KITLG: variants seen among roughly 807,000 people sequenced by gnomAD.
KITLG encodes the protein KIT ligand.
A neutral mutation model predicts 34.1 loss-of-function variants in KITLG; 13 were observed. That is an observed-to-expected ratio of 0.38 (90% CI 0.25 to 0.61). The LOEUF (loss-of-function observed/expected upper bound fraction) is 0.61. Ranked by LOEUF, KITLG falls within the 20% of genes least tolerant of loss-of-function variation. KITLG has a pLI of 0.60. For synonymous variants in KITLG, 110 were observed against 104.0 expected, an observed-to-expected ratio of 1.06 and a Z score of -0.35; for missense variants, 292 against 318.9, an observed-to-expected ratio of 0.92 and a Z score of 0.64.
Position 88,505,249 on chromosome 12 carries a change from AG to A in KITLG, c.783-15del. On this transcript the variant is annotated splice_polypyrimidine_tract_variant and intron_variant, in intron 8 of 9. Transcript: ENST00000644744. ...TCTTGCAACATACTGAAAAACAATA[AG>A]AAAAAATGCTTATTTGCTCTTGGTC... 6.2e-7 allele frequency: 1 copy of A among 1,602,864 alleles called. No individual in the cohort carries two copies. Among genetic ancestry groups the A allele is most frequent in the Non-Finnish European group, 8.5e-7 (1 of 1,169,992 alleles).
chr12:88,550,535 T>A (rs902652104), intron 1 of KITLG, among the ~76,000 whole-genome samples: 2 of 152,168 alleles, frequency 1.3e-5, no homozygotes, highest in African/African-American at 4.8e-5. Flanking sequence ...TTACTGAACA[T>A]TTACTATACA....
At chr12:88,566,917 C>T (rs750310788) in intron 1 of KITLG, among the ~76,000 whole-genome samples, 17 of 152,130 alleles carry the variant, frequency 1.1e-4, no homozygotes, top group Non-Finnish European at 2.1e-4. Flanking sequence ...CAATACAGTA[C>T]CACATACATG....
intron 1 of KITLG, among the ~76,000 whole-genome samples, chr12:88,560,576 T>C (rs1035561296): frequency 5.9e-5 from 9 of 152,102 alleles, no homozygotes; most frequent in African/African-American, 2.2e-4. Flanking sequence ...AGTATAAAAG[T>C]GAGGCAAAAA....
At chr12:88,527,582 T>A (rs1331459203) in intron 3 of KITLG, among the ~76,000 whole-genome samples, 4 of 152,216 alleles carry the variant, frequency 2.6e-5, no homozygotes, top group Non-Finnish European at 5.9e-5. Context: ...CAGGTAAGTA[T>A]CATCAATAGA....
intron 2 of KITLG, among the ~76,000 whole-genome samples, chr12:88,538,206 T>C (rs1870397266): frequency 6.6e-6 from 1 of 152,088 alleles, no homozygotes. Context: ...GGAAAGCTCA[T>C]AATGTGTTAG....
intron 1 of KITLG, among the ~76,000 whole-genome samples, chr12:88,569,732 GT>G (rs1871576921): frequency 6.6e-6 from 1 of 152,096 alleles, no homozygotes; most frequent in South Asian, 2.1e-4. Flanking sequence ...CTGTTCTGTT[GT>G]CTCCTTTACC....
rs1869452866 is a variant in KITLG at position 88,516,333 on chromosome 12, C to T, written c.520+1G>A. On this transcript the variant is annotated splice_donor_variant, in intron 5 of 9. Coordinates refer to ENST00000644744, the MANE Select transcript of KITLG (RefSeq NM_000899.5). LOFTEE classifies it high-confidence loss of function. ...GAACTGGAAATGCTTACATGTCTTA[C>T]CTTTCTCAGGACTTAATGTTGAAGA... 1 of 1,609,570 alleles carries T rather than the reference C, an allele frequency of 6.2e-7. No individual in the cohort carries two copies. Among genetic ancestry groups the T allele is most frequent in the Non-Finnish European group, 8.5e-7 (1 of 1,176,894 alleles).
chr12:88,514,666 G>A (rs529191086), intron 6 of KITLG, among the ~76,000 whole-genome samples: 1 of 151,570 alleles, frequency 6.6e-6, no homozygotes, highest in Non-Finnish European at 1.5e-5. Context: ...GTCAGGTTTT[G>A]GTGGCAAAAA....
intron 2 of KITLG, among the ~76,000 whole-genome samples, chr12:88,536,916 T>C (rs1055315565): frequency 1.3e-5 from 2 of 152,082 alleles, no homozygotes; most frequent in Non-Finnish European, 2.9e-5. Flanking sequence ...CAAACCACCA[T>C]GGCACGTGTA....
chr12:88,535,360 G>A (rs149692657), intron 2 of KITLG, among the ~76,000 whole-genome samples: 101 of 152,178 alleles, frequency 6.6e-4, no homozygotes, highest in African/African-American at 2.3e-3. Flanking sequence ...TTTTTGAAAC[G>A]TGCTTTATAA....
At chr12:88,505,059 T>A in intron 9 of KITLG, 100 bp downstream of exon 9, 1 of 634,686 alleles carries the variant, frequency 1.6e-6, no homozygotes, top group Non-Finnish European at 2.8e-6. Context: ...ACATGGCACA[T>A]GTAAACATAC....
chr12:88,507,671 T>C (rs1242686882), intron 6 of KITLG, among the ~76,000 whole-genome samples: 1 of 152,184 alleles, frequency 6.6e-6, no homozygotes, highest in Non-Finnish European at 1.5e-5. Flanking sequence ...TCCACGTTCA[T>C]ATCTTCAACA....
intron 1 of KITLG, among the ~76,000 whole-genome samples, chr12:88,570,219 C>T (rs1871599906): frequency 6.6e-6 from 1 of 152,226 alleles, no homozygotes; most frequent in South Asian, 2.1e-4. Context: ...ATTCCTGATT[C>T]CATAAAGTAA....
chr12:88,547,823 G>A (rs1022256767), intron 1 of KITLG, among the ~76,000 whole-genome samples: 19 of 152,140 alleles, frequency 1.2e-4, no homozygotes, highest in Admixed American at 3.3e-4. Context: ...CTAAAGAAAC[G>A]TTTGTTTTCT....
At chr12:88,502,890 A>G (rs1388436235) in intron 9 of KITLG, among the ~76,000 whole-genome samples, 2 of 107,900 alleles carry the variant, frequency 1.9e-5, no homozygotes, top group Non-Finnish European at 3.7e-5. Context: ...ATGGCTGTCA[A>G]GAAGAAGAAA....
intron 2 of KITLG, among the ~76,000 whole-genome samples, chr12:88,536,721 A>C (rs1870332622): frequency 6.6e-6 from 1 of 152,174 alleles, no homozygotes; most frequent in Admixed American, 6.5e-5. Context: ...ATTCTCAGTA[A>C]ACTAACACAA....
chr12:88,512,962 T>A (rs1013716300), intron 6 of KITLG, among the ~76,000 whole-genome samples: 1 of 151,750 alleles, frequency 6.6e-6, no homozygotes, highest in Non-Finnish European at 1.5e-5. Flanking sequence ...GAATGAAGGG[T>A]ACAGGAAATA....
intron 3 of KITLG, among the ~76,000 whole-genome samples, chr12:88,524,804 T>A (rs1869805059): frequency 6.6e-6 from 1 of 152,226 alleles, no homozygotes; most frequent in African/African-American, 2.4e-5. Context: ...ACTAACATTT[T>A]ATGCTTATTC....
chr12:88,540,257 C>T (rs1870473123), intron 2 of KITLG, among the ~76,000 whole-genome samples: 1 of 152,016 alleles, frequency 6.6e-6, no homozygotes, highest in Admixed American at 6.6e-5. Context: ...TCTTAAACTA[C>T]TGGGAAGGCA....
Sources: allele counts gnomAD v4.1 joint callset (sites outside exome capture counted in the v4.1 genomes callset), GRCh38; gene constraint gnomAD v4.1.1; transcripts MANE v1.5; gene names NCBI Gene and HGNC (gene_info 2026-07-23, HGNC 2026-07-21).